CACNB4: variants seen among roughly 807,000 people sequenced by gnomAD.
CACNB4 encodes calcium voltage-gated channel auxiliary subunit beta 4, also known as voltage-dependent L-type calcium channel subunit beta-4.
Under a neutral mutation model 71.2 loss-of-function variants are expected in CACNB4, and 32 were observed. The ratio of observed to expected loss-of-function variants is 0.45; its 90% CI spans 0.34 to 0.60. The LOEUF is 0.60. CACNB4 is among the 20% of genes least tolerant of loss of function. The pLI, the probability that CACNB4 is intolerant of heterozygous loss-of-function variation, is 0.01. For synonymous variants in CACNB4, 231 were observed against 236.9 expected (o/e 0.97, Z 0.23); for missense variants, 464 against 647.9 (o/e 0.72, Z 3.08).
chr2:151,998,669 T>C (rs529983865), intron 2 of CACNB4, among the ~76,000 whole-genome samples: 1 of 152,196 alleles, frequency 6.6e-6, no homozygotes, highest in East Asian at 1.9e-4. Flanking sequence ...ACTAAGTCCA[T>C]CTAGCAGGAC....
chr2:152,014,167 T>G (rs1683213941), intron 2 of CACNB4, among the ~76,000 whole-genome samples: 2 of 152,070 alleles, frequency 1.3e-5, no homozygotes, highest in South Asian at 4.2e-4. Context: ...GCCAACATGG[T>G]GAAACCCCAT....
chr2:151,922,573 A>G (rs2099859246), intron 2 of CACNB4, among the ~76,000 whole-genome samples: 3 of 152,228 alleles, frequency 2.0e-5, no homozygotes, highest in Admixed American at 2.0e-4. Flanking sequence ...TAGTATGTGG[A>G]CATCTTTGGG....
At chr2:151,894,561 G>A (rs1002334205) in intron 2 of CACNB4, among the ~76,000 whole-genome samples, 1 of 152,100 alleles carries the variant, frequency 6.6e-6, no homozygotes, top group Non-Finnish European at 1.5e-5. Flanking sequence ...TTTAGCCAGA[G>A]CCATCAAGCA....
At position 151,861,852 on chromosome 2, in the gene CACNB4, A is replaced by AAAAAAAAAAAAAAAAAAAC. The variant is rs1559883027; in HGVS notation, c.759-1033_759-1032insGTTTTTTTTTTTTTTTTTT. 31 of 146,646 alleles carry AAAAAAAAAAAAAAAAAAAC rather than the reference A, an allele frequency of 2.1e-4. 1 individual carries two copies. The highest frequency in any genetic ancestry group is 8.1e-4 in the African/African-American group (31 of 38,238). The allele number at this position is 146,646 out of a possible 1,614,324, so 9.1% of individuals were successfully genotyped here. A position where few individuals can be genotyped will look rare whatever the true frequency, so the allele number is the denominator to read the frequency against. ...GGTGAGACCCTGTCTCAAAAAAAAA[A>AAAAAAAAAAAAAAAAAAAC]AAAAAACTGAAGAATAAAGCAAAGA... On this transcript the variant is annotated intron_variant, in intron 9 of 13. Coordinates refer to ENST00000539935, the MANE Select transcript of CACNB4 (RefSeq NM_000726.5).
intron 2 of CACNB4, among the ~76,000 whole-genome samples, chr2:151,984,547 C>T (rs1274821786): frequency 8.5e-5 from 13 of 152,114 alleles, no homozygotes; most frequent in Non-Finnish European, 1.9e-4. Context: ...CCCAACCAAG[C>T]CTATCAACTT....
intron 2 of CACNB4, among the ~76,000 whole-genome samples, chr2:151,887,220 T>C (rs1027513544): frequency 2.6e-4 from 40 of 151,828 alleles, no homozygotes; most frequent in African/African-American, 8.7e-4. Flanking sequence ...ATTCTATTCA[T>C]AAAACAGGTA....
rs2099851671 is a variant in CACNB4, at chr2:151,895,094, C to CA, written c.148-11725_148-11724insT. 5.3e-5 allele frequency among the ~76,000 whole-genome samples: 7 copies of CA among 132,742 alleles called. 1 individual carries two copies. The South Asian group carries it at 1.6e-3, about 31-fold the overall frequency. The allele number at this position is 132,742 out of a possible 152,430, so 87.1% of individuals were successfully genotyped here. A position where few individuals can be genotyped will look rare whatever the true frequency, so the allele number is the denominator to read the frequency against. On this transcript the variant is annotated intron_variant, in intron 2 of 13. Transcript: ENST00000539935. ...TCATATGGAACCAGAACTCAAATAG[C>CA]CCCACACACACACACACACACACAC...
At chr2:152,087,679 T>C (rs1243694187) in intron 2 of CACNB4, among the ~76,000 whole-genome samples, 1 of 151,914 alleles carries the variant, frequency 6.6e-6, no homozygotes, top group African/African-American at 2.4e-5. Context: ...ATGAAAAGAT[T>C]TGAGCCTTGG....
intron 10 of CACNB4, among the ~76,000 whole-genome samples, chr2:151,856,152 T>C (rs1288149954): frequency 1.0e-5 from 1 of 95,276 alleles, no homozygotes. Flanking sequence ...AGCAATCCAG[T>C]TTTTTTTTTT....
intron 2 of CACNB4, among the ~76,000 whole-genome samples, chr2:151,929,534 TG>T (rs2099861106): frequency 6.6e-6 from 1 of 152,246 alleles, no homozygotes; most frequent in Admixed American, 6.5e-5. Context: ...CCATTGTCTT[TG>T]TTCTGTAATA....
At position 151,839,311 on chromosome 2, in the gene CACNB4, G is replaced by A; in HGVS notation, c.1371C>T (p.Thr457=). 6.2e-7 allele frequency: 1 copy of A among 1,613,122 alleles called. No homozygotes were observed. Among genetic ancestry groups the A allele is most frequent in the Non-Finnish European group, 8.5e-7 (1 of 1,179,156 alleles). Reference sequence around the variant, plus strand: ...TTTCATTGTGATAATTTTCATCAGAGGTCATTAGACTTCGTCTTTCAATTG... The same window carrying A: ...TTTCATTGTGATAATTTTCATCAGAAGTCATTAGACTTCGTCTTTCAATTG... ...NSPIERRSLM[T]SDENYHNERA... is the part of the protein sequence containing the mutation. Residue 457 remains threonine, a synonymous_variant, in exon 14 of 14, where the codon ACC becomes ACT. Transcript: ENST00000539935.
chr2:151,990,679 C>G (rs1364200830), intron 2 of CACNB4, among the ~76,000 whole-genome samples: 2 of 152,148 alleles, frequency 1.3e-5, no homozygotes, highest in Non-Finnish European at 2.9e-5. Flanking sequence ...TCCCTTTTAC[C>G]TTCTGATTCT....
At chr2:151,875,092 T>C in intron 5 of CACNB4, 1 of 369,780 alleles carries the variant, frequency 2.7e-6, no homozygotes, top group Non-Finnish European at 4.8e-6. Context: ...AGGACAATAG[T>C]GGAGGGAAGG....
chr2:152,056,092 G>A (rs1275478731), intron 2 of CACNB4, among the ~76,000 whole-genome samples: 1 of 152,128 alleles, frequency 6.6e-6, no homozygotes, highest in Non-Finnish European at 1.5e-5. Context: ...GCTGGGCACG[G>A]TGGCTCACCC....
chr2:152,049,260 G>A (rs1160927297), intron 2 of CACNB4, among the ~76,000 whole-genome samples: 2 of 151,828 alleles, frequency 1.3e-5, no homozygotes, highest in Non-Finnish European at 2.9e-5. Flanking sequence ...CACCTCCCAG[G>A]TTCAAGCAAT....
chr2:152,034,172 G>A (rs1336245643), intron 2 of CACNB4, among the ~76,000 whole-genome samples: 1 of 152,174 alleles, frequency 6.6e-6, no homozygotes, highest in African/African-American at 2.4e-5. Context: ...TCTCCCAACA[G>A]GTCTATTAAA....
intron 2 of CACNB4, among the ~76,000 whole-genome samples, chr2:151,892,284 TGA>T (rs1242124819): frequency 6.6e-6 from 1 of 152,012 alleles, no homozygotes; most frequent in Non-Finnish European, 1.5e-5. Context: ...TCTGTTTTCT[TGA>T]GAGTCAGATT....
intron 2 of CACNB4, among the ~76,000 whole-genome samples, chr2:151,952,910 C>G (rs1185085325): frequency 6.6e-6 from 1 of 152,182 alleles, no homozygotes; most frequent in Non-Finnish European, 1.5e-5. Flanking sequence ...GCTTTCTTTG[C>G]TCATTGCTTT....
At chr2:151,883,726 G>A in intron 2 of CACNB4, 1 of 311,978 alleles carries the variant, frequency 3.2e-6, no homozygotes, top group Non-Finnish European at 6.1e-6. Context: ...ACATCTAAAG[G>A]AAAAAGAGAC....
Sources: allele counts gnomAD v4.1 joint callset (sites outside exome capture counted in the v4.1 genomes callset), GRCh38; gene constraint gnomAD v4.1.1; transcripts MANE v1.5; gene names NCBI Gene and HGNC (gene_info 2026-07-23, HGNC 2026-07-21).